Variants in TRPM3 observed in about 807,000 individuals in gnomAD.
TRPM3 encodes the protein long transient receptor potential channel 3.
TRPM3 carries 77 observed loss-of-function variants against 181.2 expected under a neutral mutation model. The ratio of observed to expected loss-of-function variants is 0.42; its 90% CI spans 0.35 to 0.51. TRPM3 has a LOEUF of 0.51. TRPM3 is among the 20% of genes least tolerant of loss of function. The pLI is 0.01. For synonymous variants in TRPM3, 745 were observed against 796.4 expected (o/e 0.94, Z 1.09); for missense variants, 1,759 against 2,196.7 (o/e 0.80, Z 3.98).
At chr9:70,955,923 G>A (rs982586805) in intron 1 of TRPM3, among the ~76,000 whole-genome samples, 1 of 152,162 alleles carries the variant, frequency 6.6e-6, no homozygotes, top group African/African-American at 2.4e-5. Context: ...TTGGTATGCT[G>A]AAAAAGTATA....
chr9:70,995,789 G>C (rs1244915347), intron 1 of TRPM3, among the ~76,000 whole-genome samples: 1 of 152,048 alleles, frequency 6.6e-6, no homozygotes, highest in African/African-American at 2.4e-5. Context: ...GCAAAACCCA[G>C]TTGCTGTCTG....
chr9:70,962,168 G>A (rs147851658), intron 1 of TRPM3, among the ~76,000 whole-genome samples: 208 of 152,162 alleles, frequency 1.4e-3, no homozygotes, highest in African/African-American at 4.7e-3. Context: ...TTATATTGAG[G>A]CATTTATGTG....
intron 1 of TRPM3, among the ~76,000 whole-genome samples, chr9:70,880,769 G>A (rs1184010739): frequency 1.3e-5 from 2 of 151,982 alleles, no homozygotes; most frequent in African/African-American, 4.8e-5. Flanking sequence ...CTATCAACTT[G>A]AGCTTTTGTG....
intron 22 of TRPM3, among the ~76,000 whole-genome samples, chr9:70,557,729 T>A (rs1290533855): frequency 6.6e-6 from 1 of 152,224 alleles, no homozygotes. Context: ...CTGGGCCTCC[T>A]CCTTCCTTGC....
At chr9:71,266,579 G>T (rs1392033545) in intron 1 of TRPM3, among the ~76,000 whole-genome samples, 5 of 152,058 alleles carry the variant, frequency 3.3e-5, no homozygotes, top group African/African-American at 1.2e-4. Flanking sequence ...AATAATTTCA[G>T]TGTGTTTTGT....
intron 1 of TRPM3, among the ~76,000 whole-genome samples, chr9:70,906,594 A>G (rs2096467177): frequency 6.6e-6 from 1 of 151,728 alleles, no homozygotes. Context: ...GTTAAAGTGA[A>G]TAAAAATGAT....
At chr9:71,215,932 C>T (rs933750673) in intron 1 of TRPM3, among the ~76,000 whole-genome samples, 2 of 152,090 alleles carry the variant, frequency 1.3e-5, no homozygotes, top group Non-Finnish European at 2.9e-5. Flanking sequence ...TGCCCCTGGT[C>T]GGCTCACAGC....
At chr9:70,783,859 C>T (rs2083006268) in intron 7 of TRPM3, 2 of 1,179,420 alleles carry the variant, frequency 1.7e-6, no homozygotes, top group South Asian at 5.8e-5. Context: ...CTATGACCTC[C>T]TCTCTTTTCC....
chr9:70,772,563 T>C (rs144775848), intron 7 of TRPM3, among the ~76,000 whole-genome samples: 3,113 of 152,178 alleles, frequency 0.02, 97 homozygotes, highest in African/African-American at 0.072. Context: ...GCTCAAGGGA[T>C]CCACCTGCCT....
At chr9:71,392,258 T>C (rs1234562547) in intron 1 of TRPM3, among the ~76,000 whole-genome samples, 1 of 152,032 alleles carries the variant, frequency 6.6e-6, no homozygotes, top group Non-Finnish European at 1.5e-5. Context: ...AGACTGGCAG[T>C]TTGAACTTTG....
chr9:70,928,275 G>A (rs754345367), intron 1 of TRPM3, among the ~76,000 whole-genome samples: 40 of 152,152 alleles, frequency 2.6e-4, no homozygotes, highest in Non-Finnish European at 4.0e-4. Context: ...CATTTGTAGG[G>A]ATGCATTCTA....
intron 1 of TRPM3, among the ~76,000 whole-genome samples, chr9:71,328,469 TTC>T (rs1480831097): frequency 6.6e-6 from 1 of 152,156 alleles, no homozygotes; most frequent in African/African-American, 2.4e-5. Flanking sequence ...CCCGGCCGAC[TTC>T]TCTTTTATCT....
chr9:71,293,779 A>G (rs920485176), intron 1 of TRPM3, among the ~76,000 whole-genome samples: 1 of 152,010 alleles, frequency 6.6e-6, no homozygotes, highest in Non-Finnish European at 1.5e-5. Context: ...ATATATCCCT[A>G]CCAGTTATTA....
At chr9:71,130,398 G>A (rs539265635) in intron 1 of TRPM3, among the ~76,000 whole-genome samples, 8 of 152,212 alleles carry the variant, frequency 5.3e-5, no homozygotes, top group African/African-American at 1.9e-4. Context: ...AAAGATGCAC[G>A]TGGCCAGAAA....
At chr9:70,898,683 G>T (rs1202121785) in intron 1 of TRPM3, among the ~76,000 whole-genome samples, 1 of 146,914 alleles carries the variant, frequency 6.8e-6, no homozygotes, top group Non-Finnish European at 1.5e-5. Flanking sequence ...GGGAGGTAGA[G>T]GTTGCACTGA....
rs991659610 is a variant in TRPM3 at position 70,695,619 on chromosome 9, C to T, written c.1273-14041G>A. Among the ~76,000 whole-genome samples the T allele has an allele frequency of 5.9e-5, 9 of 152,208 alleles. 1 individual carries two copies. The highest frequency in any genetic ancestry group is 3.8e-4 in the East Asian group (2 of 5,204). The stretch of plus-strand genomic sequence containing the variant: ...GGTTAGACACCTAGCCTCCGTGCTG[C>T]CTCTGAACTATGTGAATATGCCTCT... On this transcript the variant is annotated intron_variant, in intron 8 of 25. Coordinates refer to ENST00000677713, the MANE Select transcript of TRPM3 (RefSeq NM_001366145.2).
At chr9:70,991,179 C>G (rs1590357433) in intron 1 of TRPM3, among the ~76,000 whole-genome samples, 1 of 152,140 alleles carries the variant, frequency 6.6e-6, no homozygotes, top group African/African-American at 2.4e-5. Context: ...GGCTCTTAAC[C>G]TAGATTCATG....
intron 1 of TRPM3, among the ~76,000 whole-genome samples, chr9:71,151,845 A>G (rs184354290): frequency 1.3e-5 from 2 of 152,254 alleles, no homozygotes; most frequent in Admixed American, 6.5e-5. Flanking sequence ...GGTGGATAAC[A>G]GTGAATATTT....
At chr9:70,649,626 T>C (rs1589785233) in intron 9 of TRPM3, among the ~76,000 whole-genome samples, 1 of 152,110 alleles carries the variant, frequency 6.6e-6, no homozygotes, top group East Asian at 1.9e-4. Context: ...TGGCTAGTAC[T>C]AAAAAGTCAA....
Sources: gnomAD v4.1 joint callset for allele counts (sites outside exome capture counted in the v4.1 genomes callset) on GRCh38, gnomAD v4.1.1 for gene constraint, MANE v1.5 for transcripts, NCBI Gene and HGNC (gene_info 2026-07-23, HGNC 2026-07-21) for gene names.